Variants in DSCAM observed in about 807,000 individuals in gnomAD.
DSCAM encodes the protein DS cell adhesion molecule.
Under a neutral mutation model 217.7 loss-of-function variants are expected in DSCAM, and 47 were observed. The observed-to-expected ratio is 0.22, with a 90% confidence interval of 0.17 to 0.28. The LOEUF is 0.28. DSCAM is among the 10% of genes least tolerant of loss of function. The pLI is 1.00. For missense variants in DSCAM, 2,080 were observed against 2,618.3 expected, an observed-to-expected ratio of 0.79 and a Z score of 4.49; for synonymous variants, 1,056 against 1,015.3, an observed-to-expected ratio of 1.04 and a Z score of -0.76.
intron 3 of DSCAM, among the ~76,000 whole-genome samples, chr21:40,660,629 G>A (rs73905032): frequency 0.074 from 11,267 of 152,090 alleles, 1,265 homozygotes; most frequent in African/African-American, 0.25. Flanking sequence ...ACATTCCACC[G>A]TGAGGGTGTA....
At chr21:40,159,567 C>A (rs531741368) in intron 16 of DSCAM, among the ~76,000 whole-genome samples, 1 of 152,110 alleles carries the variant, frequency 6.6e-6, no homozygotes, top group African/African-American at 2.4e-5. Context: ...ACTACCTACC[C>A]ATCTATTTTT....
chr21:40,192,508 G>C (rs747875926), intron 11 of DSCAM, among the ~76,000 whole-genome samples: 2 of 152,162 alleles, frequency 1.3e-5, no homozygotes, highest in African/African-American at 2.4e-5. Flanking sequence ...CACCATGATT[G>C]TAAGTTTCCT....
At chr21:40,817,701 C>A (rs1175882468) in intron 1 of DSCAM, among the ~76,000 whole-genome samples, 1 of 152,172 alleles carries the variant, frequency 6.6e-6, no homozygotes, top group Non-Finnish European at 1.5e-5. Context: ...GACAAAAATG[C>A]CATTTAGGGA....
intron 5 of DSCAM, among the ~76,000 whole-genome samples, chr21:40,352,358 G>A (rs2074640365): frequency 2.6e-5 from 4 of 152,170 alleles, no homozygotes; most frequent in South Asian, 4.1e-4. Flanking sequence ...TGATTCTTCA[G>A]CTATAGAAGT....
chr21:40,063,539 TA>T (rs758857982), intron 27 of DSCAM, among the ~76,000 whole-genome samples: 3 of 152,232 alleles, frequency 2.0e-5, no homozygotes, highest in Non-Finnish European at 2.9e-5. Context: ...CCGTTTCCTT[TA>T]AAATATAATT....
chr21:40,596,582 G>A lies in DSCAM; in HGVS notation c.508+96228C>T, dbSNP rs1045013537. ...AAAGTATAATTATGCCGTATGCTTG[G>A]CAGGTAAATATCTTAAAAACAAGAA... is the stretch of plus-strand genomic sequence containing the variant. On this transcript the variant is annotated intron_variant, in intron 3 of 32. Transcript: ENST00000400454. Among the ~76,000 whole-genome samples the A allele has an allele frequency of 6.6e-5, 10 of 152,202 alleles. No individual in the cohort carries two copies. The East Asian group carries it at 1.9e-3, about 29-fold the overall frequency.
intron 3 of DSCAM, among the ~76,000 whole-genome samples, chr21:40,593,530 T>C (rs1390986095): frequency 6.6e-6 from 1 of 152,146 alleles, no homozygotes; most frequent in Non-Finnish European, 1.5e-5. Context: ...GGTTTCACCA[T>C]CTTTACTGGT....
intron 11 of DSCAM, among the ~76,000 whole-genome samples, chr21:40,203,853 T>A (rs929208966): frequency 2.0e-4 from 31 of 152,216 alleles, no homozygotes; most frequent in African/African-American, 7.0e-4. Context: ...GTTAAGATAA[T>A]GGGATCATAC....
At chr21:40,385,234 T>C (rs901114489) in intron 3 of DSCAM, 1 of 152,224 alleles carries the variant, frequency 6.6e-6, no homozygotes, top group Non-Finnish European at 1.5e-5. Context: ...TTATGTTTCC[T>C]TAAGATCTCT....
At chr21:40,471,543 AC>A (rs1331616395) in intron 3 of DSCAM, among the ~76,000 whole-genome samples, 1 of 152,174 alleles carries the variant, frequency 6.6e-6, no homozygotes, top group African/African-American at 2.4e-5. Context: ...ATCCTCCACA[AC>A]AACCTGATCA....
intron 1 of DSCAM, among the ~76,000 whole-genome samples, chr21:40,817,086 C>T (rs1224032843): frequency 1.4e-5 from 2 of 147,526 alleles, no homozygotes; most frequent in African/African-American, 2.5e-5. Context: ...AAATTAGATT[C>T]TTTTTTTTTT....
intron 3 of DSCAM, among the ~76,000 whole-genome samples, chr21:40,459,623 C>G (rs955780497): frequency 6.6e-6 from 1 of 152,070 alleles, no homozygotes; most frequent in African/African-American, 2.4e-5. Context: ...ACAAAATGAC[C>G]ATTGAGTAAG....
intron 1 of DSCAM, among the ~76,000 whole-genome samples, chr21:40,828,177 G>T (rs2091984765): frequency 6.6e-6 from 1 of 152,038 alleles, no homozygotes; most frequent in South Asian, 2.1e-4. Flanking sequence ...CTGAGGCGGG[G>T]GGACTGTTTG....
intron 3 of DSCAM, among the ~76,000 whole-genome samples, chr21:40,648,397 T>C (rs2089975281): frequency 6.6e-6 from 1 of 152,056 alleles, no homozygotes; most frequent in Non-Finnish European, 1.5e-5. Context: ...TGTCCCAAGC[T>C]GACGTCCGTG....
intron 3 of DSCAM, among the ~76,000 whole-genome samples, chr21:40,605,269 C>T (rs1401657559): frequency 6.6e-6 from 1 of 152,184 alleles, no homozygotes; most frequent in Non-Finnish European, 1.5e-5. Context: ...CTGACCTTGG[C>T]TCTCATTCTC....
chr21:40,462,888 C>G (rs8128613), intron 3 of DSCAM, among the ~76,000 whole-genome samples: 11,235 of 152,172 alleles, frequency 0.074, 822 homozygotes, highest in African/African-American at 0.18. Context: ...TCCCAACCCC[C>G]AGTCATTTCT....
At chr21:40,492,904 T>C (rs1236968314) in intron 3 of DSCAM, among the ~76,000 whole-genome samples, 1 of 151,986 alleles carries the variant, frequency 6.6e-6, no homozygotes, top group East Asian at 1.9e-4. Flanking sequence ...TCAGATTCAA[T>C]GCAAGCAAGA....
intron 9 of DSCAM, among the ~76,000 whole-genome samples, chr21:40,310,486 T>C (rs2074125591): frequency 6.6e-6 from 1 of 152,250 alleles, no homozygotes. Context: ...TTATTTAACA[T>C]ATTTGAAGAA....
At chr21:40,516,888 C>CATATATATATATATATAT (rs55695954) in intron 3 of DSCAM, among the ~76,000 whole-genome samples, 6 of 143,494 alleles carry the variant, frequency 4.2e-5, no homozygotes, top group African/African-American at 1.3e-4. Context: ...ACACACACAC[C>CATATATATATATATATAT]ATATATATAT....
Sources: allele counts gnomAD v4.1 joint callset (sites outside exome capture counted in the v4.1 genomes callset), GRCh38; gene constraint gnomAD v4.1.1; transcripts MANE v1.5; gene names NCBI Gene and HGNC (gene_info 2026-07-23, HGNC 2026-07-21).